Variants in ZNF804B observed in about 807,000 individuals in gnomAD.
ZNF804B encodes the protein zinc finger protein 804B, also known as zinc finger 804B.
Under a neutral mutation model 101.4 loss-of-function variants are expected in ZNF804B, and 80 were observed. The observed-to-expected ratio is 0.79, with a 90% CI of 0.66 to 0.95. ZNF804B has a LOEUF of 0.95. ZNF804B is among the 40% of genes least tolerant of loss of function. The pLI is 0.00. For synonymous variants in ZNF804B, 622 were observed against 558.8 expected (o/e 1.11, Z -1.59); for missense variants, 1,673 against 1,561.9 (o/e 1.07, Z -1.20).
chr7:88,858,030 C>G (rs1486785443), intron 1 of ZNF804B, among the ~76,000 whole-genome samples: 3 of 151,790 alleles, frequency 2.0e-5, no homozygotes, highest in Admixed American at 6.6e-5. Flanking sequence ...GCCATGTTGG[C>G]TATGCTGGTC....
In ZNF804B at chr7:89,301,144, C is replaced by T. The variant is rs867773801; in HGVS notation, c.250-26200C>T. 1.1e-3 allele frequency among the ~76,000 whole-genome samples: 109 copies of T among 97,490 alleles called. 1 individual carries two copies. The highest frequency in any genetic ancestry group is 9.6e-3 in the Middle Eastern group (1 of 104). The allele number at this position is 97,490 out of a possible 152,430, so 64.0% of individuals were successfully genotyped here. On this transcript the variant is annotated intron_variant, in intron 2 of 3. Coordinates refer to ENST00000333190, the MANE Select transcript of ZNF804B (RefSeq NM_181646.5). ...TTTTGGTGGTGGTTCTCTTTTTTTCCGCAACAGTAACAATGCATCAACAAA... is the reference window on the plus strand; with the variant it reads ...TTTTGGTGGTGGTTCTCTTTTTTTCTGCAACAGTAACAATGCATCAACAAA...
At chr7:88,761,932 A>G (rs1437156320) in intron 1 of ZNF804B, among the ~76,000 whole-genome samples, 1 of 152,150 alleles carries the variant, frequency 6.6e-6, no homozygotes, top group African/African-American at 2.4e-5. Flanking sequence ...GACACTATAG[A>G]GACTGGATGT....
At chr7:89,079,691 A>G (rs1266539522) in intron 1 of ZNF804B, among the ~76,000 whole-genome samples, 1 of 152,062 alleles carries the variant, frequency 6.6e-6, no homozygotes, top group Non-Finnish European at 1.5e-5. Context: ...ATAGGAGACA[A>G]GAACTAATAT....
chr7:89,332,931 G>A (rs952625850), intron 3 of ZNF804B, among the ~76,000 whole-genome samples: 2 of 151,634 alleles, frequency 1.3e-5, no homozygotes, highest in African/African-American at 2.4e-5. Flanking sequence ...GTTAGAAATA[G>A]CACATAAAAG....
intron 2 of ZNF804B, among the ~76,000 whole-genome samples, chr7:89,274,431 A>G (rs1301662925): frequency 7.6e-5 from 11 of 145,100 alleles, no homozygotes; most frequent in Non-Finnish European, 1.0e-4. Flanking sequence ...TGTTCTTGTG[A>G]TAGTTTACTG....
At chr7:89,308,613 A>T (rs943818508) in intron 2 of ZNF804B, among the ~76,000 whole-genome samples, 1 of 152,200 alleles carries the variant, frequency 6.6e-6, no homozygotes, top group Admixed American at 6.5e-5. Context: ...ATTCACATGG[A>T]TATCACTCAG....
At chr7:89,267,047 T>C (rs1562931780) in intron 2 of ZNF804B, among the ~76,000 whole-genome samples, 1 of 152,234 alleles carries the variant, frequency 6.6e-6, no homozygotes, top group Non-Finnish European at 1.5e-5. Context: ...AGGAGTTCAC[T>C]GTTTGGAGTG....
chr7:88,921,684 A>G (rs1235462114), intron 1 of ZNF804B, among the ~76,000 whole-genome samples: 1 of 151,990 alleles, frequency 6.6e-6, no homozygotes, highest in Non-Finnish European at 1.5e-5. Context: ...GGGTGAGACT[A>G]GGTTAACCTG....
chr7:89,156,346 C>G (rs960246050), intron 1 of ZNF804B, among the ~76,000 whole-genome samples: 1 of 152,090 alleles, frequency 6.6e-6, no homozygotes, highest in Non-Finnish European at 1.5e-5. Context: ...AACTCCCGAC[C>G]TCTGGTGATC....
At chr7:88,804,331 C>T (rs1222983162) in intron 1 of ZNF804B, among the ~76,000 whole-genome samples, 1 of 152,048 alleles carries the variant, frequency 6.6e-6, no homozygotes, top group Non-Finnish European at 1.5e-5. Flanking sequence ...TGCTGGGTTT[C>T]TTTTTGTCTT....
At chr7:89,138,247 G>T (rs1790666175) in intron 1 of ZNF804B, among the ~76,000 whole-genome samples, 1 of 152,050 alleles carries the variant, frequency 6.6e-6, no homozygotes, top group Non-Finnish European at 1.5e-5. Context: ...GCCTAGTGGA[G>T]CTGTGAGAAG....
At chr7:88,855,290 G>C (rs1159497536) in intron 1 of ZNF804B, among the ~76,000 whole-genome samples, 1 of 149,606 alleles carries the variant, frequency 6.7e-6, no homozygotes, top group Admixed American at 6.8e-5. Flanking sequence ...TTTAATGATC[G>C]CCATTCTAAC....
At chr7:89,049,780 G>C (rs562485634) in intron 1 of ZNF804B, among the ~76,000 whole-genome samples, 1 of 152,264 alleles carries the variant, frequency 6.6e-6, no homozygotes, top group African/African-American at 2.4e-5. Flanking sequence ...GGGAGGCCAA[G>C]GTGGGCATAT....
At chr7:89,271,705 T>A (rs534099385) in intron 2 of ZNF804B, among the ~76,000 whole-genome samples, 1 of 152,216 alleles carries the variant, frequency 6.6e-6, no homozygotes, top group East Asian at 1.9e-4. Context: ...GTCCTGGACT[T>A]TTTTTGGTTG....
chr7:89,188,903 GTGA>G (rs1463141259), intron 1 of ZNF804B, among the ~76,000 whole-genome samples: 2 of 152,158 alleles, frequency 1.3e-5, no homozygotes, highest in Admixed American at 1.3e-4. Flanking sequence ...AAGTTACAAG[GTGA>G]TGATGTAGAA....
rs141453570 is a variant in ZNF804B, at chr7:89,236,265, A to G, written c.249+17970A>G. Among the ~76,000 whole-genome samples the G allele has an allele frequency of 4.7e-3, 713 of 152,202 alleles. 5 individuals are homozygous for G. Among genetic ancestry groups the G allele is most frequent in the African/African-American group, 0.016 (654 of 41,538 alleles). On this transcript the variant is annotated intron_variant, in intron 2 of 3. Coordinates refer to ENST00000333190, the MANE Select transcript of ZNF804B (RefSeq NM_181646.5). Reference sequence around the variant, plus strand: ...ATATGCACGGTAACTAGATATCCAGATTTCATTTGGAAACCAGTAGACTCT... The same window carrying G: ...ATATGCACGGTAACTAGATATCCAGGTTTCATTTGGAAACCAGTAGACTCT...
At chr7:88,862,926 G>A (rs966259299) in intron 1 of ZNF804B, among the ~76,000 whole-genome samples, 3 of 151,908 alleles carry the variant, frequency 2.0e-5, no homozygotes, top group African/African-American at 2.4e-5. Flanking sequence ...CTCTCTATTC[G>A]TCATCCCACA....
chr7:89,093,385 T>A (rs141608898), intron 1 of ZNF804B, among the ~76,000 whole-genome samples: 22 of 152,350 alleles, frequency 1.4e-4, no homozygotes, highest in African/African-American at 5.3e-4. Flanking sequence ...GTTTCATAAT[T>A]CCTCATACAG....
In ZNF804B at chr7:89,243,227, T is replaced by C. The variant is rs371778183; in HGVS notation, c.249+24932T>C. On this transcript the variant is annotated intron_variant, in intron 2 of 3. Transcript: ENST00000333190. Reference sequence around the variant, plus strand: ...TAAACATAAATATGTAACTAAAACATAAATGAAATCAGGCAGTTACAAATA... The same window carrying C: ...TAAACATAAATATGTAACTAAAACACAAATGAAATCAGGCAGTTACAAATA... Among the ~76,000 whole-genome samples the C allele has an allele frequency of 1.8e-4, 28 of 151,700 alleles. 1 individual carries two copies. The highest frequency in any genetic ancestry group is 1.2e-3 in the East Asian group (6 of 5,180).
Sources: gnomAD v4.1 joint callset for allele counts (sites outside exome capture counted in the v4.1 genomes callset) on GRCh38, gnomAD v4.1.1 for gene constraint, MANE v1.5 for transcripts, NCBI Gene and HGNC (gene_info 2026-07-23, HGNC 2026-07-21) for gene names.